ZNF236: variants seen among roughly 807,000 people sequenced by gnomAD.
The protein encoded by ZNF236 is regulated by glucose.
ZNF236 carries 50 observed loss-of-function variants against 191.2 expected under a neutral mutation model. The ratio of observed to expected loss-of-function variants is 0.26; its 90% CI spans 0.21 to 0.33. The LOEUF (loss-of-function observed/expected upper bound fraction) is 0.33. Ranked by LOEUF, ZNF236 falls within the 10% of genes least tolerant of loss-of-function variation. The probability of loss-of-function intolerance (pLI) is 1.00; values close to 1 mark genes in which losing one functional copy is unlikely to be tolerated. For missense variants in ZNF236, 1,754 were observed against 2,374.5 expected, an observed-to-expected ratio of 0.74 and a Z score of 5.43; for synonymous variants, 907 against 928.8, an observed-to-expected ratio of 0.98 and a Z score of 0.43.
At chr18:76,928,339 T>G (rs1487414504) in intron 25 of ZNF236, among the ~76,000 whole-genome samples, 1 of 152,206 alleles carries the variant, frequency 6.6e-6, no homozygotes, top group Non-Finnish European at 1.5e-5. Flanking sequence ...TACAGTCAGT[T>G]ATTTAATTAT....
rs149301277 is a variant in ZNF236, at chr18:76,829,194, C to T, written c.55+6532C>T. On this transcript the variant is annotated intron_variant, in intron 1 of 30. Transcript: ENST00000320610. ...CTGTGTGTACAGAGATAGTGCGTCTCTGCTTTCAAGAAAGTAGCAGTGTTT... is the reference window on the plus strand; with the variant it reads ...CTGTGTGTACAGAGATAGTGCGTCTTTGCTTTCAAGAAAGTAGCAGTGTTT... Among the ~76,000 whole-genome samples the T allele has an allele frequency of 7.2e-5, 11 of 152,306 alleles. No homozygotes were observed. The East Asian group carries it at 2.1e-3, about 29-fold the overall frequency.
At chr18:76,906,625 T>G (rs1245084876) in intron 13 of ZNF236, among the ~76,000 whole-genome samples, 3 of 152,220 alleles carry the variant, frequency 2.0e-5, no homozygotes, top group Non-Finnish European at 1.5e-5. Context: ...GTATTGGGAA[T>G]ATGGGTGTTC....
At chr18:76,888,023 G>C (rs1977109030) in intron 9 of ZNF236, 1 of 146,990 alleles carries the variant, frequency 6.8e-6, no homozygotes, top group African/African-American at 2.5e-5. Context: ...ACTGTTCCCA[G>C]TGTTCTAGTA....
At position 76,880,098 on chromosome 18, in the gene ZNF236, G is replaced by A; in HGVS notation, c.985-15G>A. ...GCAAAATTGTATTTTTAATGAAAAT[G>A]TTTCTGTGTTTCAGGCCACACTTTT... On this transcript the variant is annotated splice_polypyrimidine_tract_variant and intron_variant, in intron 7 of 30. Coordinates refer to ENST00000320610, the MANE Select transcript of ZNF236 (RefSeq NM_001306089.2). This position sits in a 1 kb window ranked among gnomAD's most constrained non-coding sequence, Gnocchi z 5.0. 1 of 1,551,148 alleles carries A rather than the reference G, an allele frequency of 6.4e-7. No homozygotes were observed. The highest frequency in any genetic ancestry group is 8.7e-7 in the Non-Finnish European group (1 of 1,144,720).
At position 76,904,470 on chromosome 18, in the gene ZNF236, T is replaced by G. The variant is rs1470654644; in HGVS notation, c.1985T>G (p.Phe662Cys). The G allele has an allele frequency of 1.9e-6, 3 of 1,610,770 alleles. No individual in the cohort carries two copies. Among genetic ancestry groups the G allele is most frequent in the Non-Finnish European group, 2.5e-6 (3 of 1,178,654 alleles). The part of the protein sequence containing the change: ...VNEADRPYKC[F>C]YCHRAYKKSC... ...GAAGCAGATAGACCATACAAGTGTT[T>G]TTACTGTCATCGTGCATATAAAAAA... Residue 662 changes from phenylalanine (F) to cysteine (C), a missense_variant, in exon 12 of 31, where the codon TTT (phenylalanine) becomes TGT (cysteine). Phe to Cys is a radical substitution (Grantham distance 205). Transcript: ENST00000320610.
rs754971606 is a variant in ZNF236 at position 76,908,057 on chromosome 18, G to A, written c.2298-263G>A. Among the ~76,000 whole-genome samples, 33 of 151,964 alleles carry A rather than the reference G, an allele frequency of 2.2e-4. 1 individual carries two copies. Among genetic ancestry groups the A allele is most frequent in the Admixed American group, 1.4e-3 (21 of 15,268 alleles). On this transcript the variant is annotated intron_variant, in intron 13 of 30. Transcript: ENST00000320610. ...TCTTTTTAATGTTTTTAAACTATTAGGCATTCGGGTGTGTGTTGTCCTTCA... is the reference window on the plus strand; with the variant it reads ...TCTTTTTAATGTTTTTAAACTATTAAGCATTCGGGTGTGTGTTGTCCTTCA...
chr18:76,968,127 T>C, intron 30 of ZNF236, 88 bp from the exon 31 acceptor site: 1 of 1,527,062 alleles, frequency 6.5e-7, no homozygotes, highest in Non-Finnish European at 8.9e-7. Context: ...CCTTGTCTCT[T>C]TCTACCAGAA....
intron 13 of ZNF236, among the ~76,000 whole-genome samples, chr18:76,907,207 G>A (rs1364716769): frequency 6.6e-6 from 1 of 152,218 alleles, no homozygotes; most frequent in East Asian, 1.9e-4. Context: ...ATTAGAAAAC[G>A]AAGAGGGAAA....
rs1967477484 is a variant in ZNF236 at position 76,919,632 on chromosome 18, A to G, written c.3275-144A>G. On this transcript the variant is annotated intron_variant, in intron 19 of 30. Coordinates refer to ENST00000320610, the MANE Select transcript of ZNF236 (RefSeq NM_001306089.2). This position sits in a 1 kb window ranked among gnomAD's most constrained non-coding sequence, Gnocchi z 5.3. ...AGTTTCTCAATAGAGGTGGGAAAAT[A>G]TAGCAACTCTCTACCATCATAAAAA... 2.0e-6 allele frequency: 2 copies of G among 1,014,232 alleles called. No individual in the cohort carries two copies. Among genetic ancestry groups the G allele is most frequent in the Non-Finnish European group, 2.8e-6 (2 of 708,336 alleles). The allele number at this position is 1,014,232 out of a possible 1,614,324, so 62.8% of individuals were successfully genotyped here. A position where few individuals can be genotyped will look rare whatever the true frequency, so the allele number is the denominator to read the frequency against.
At chr18:76,843,023 G>A (rs1268060851) in intron 1 of ZNF236, among the ~76,000 whole-genome samples, 2 of 152,198 alleles carry the variant, frequency 1.3e-5, no homozygotes, top group Non-Finnish European at 2.9e-5. Context: ...TACCCAGTCC[G>A]AGCATTTGGC....
At chr18:76,954,869 CT>C (rs1282055852) in intron 27 of ZNF236, among the ~76,000 whole-genome samples, 3 of 152,282 alleles carry the variant, frequency 2.0e-5, no homozygotes, top group Admixed American at 6.5e-5. Flanking sequence ...TCCTTTGTTC[CT>C]TTTTTTCCCC....
rs1976888642 is a variant in ZNF236 at position 76,881,359 on chromosome 18, T to C, written c.1264T>C (p.Ser422Pro). Reference sequence around the variant, plus strand: ...TAATGACTCCTGCCATGCCAAGACCTCTGCACCACACGCTCAAAACCCAGA... The same window carrying C: ...TAATGACTCCTGCCATGCCAAGACCCCTGCACCACACGCTCAAAACCCAGA... ...HPNDSCHAKT[S>P]APHAQNPDVS... Residue 422 changes from serine (S) to proline (P), a missense_variant, in exon 9 of 31, where the codon TCT becomes CCT. Around this residue, in one of 5 missense-constraint regions of ZNF236, gnomAD observed 126 missense variants for 110.9 expected, o/e 1.14. Coordinates refer to ENST00000320610, the MANE Select transcript of ZNF236 (RefSeq NM_001306089.2). 6.2e-7 allele frequency: 1 copy of C among 1,614,034 alleles called. No individual in the cohort carries two copies. Among genetic ancestry groups the C allele is most frequent in the Non-Finnish European group, 8.5e-7 (1 of 1,180,012 alleles).
In ZNF236 at chr18:76,852,637, C is replaced by CA. The variant is rs34349493; in HGVS notation, c.363+710dup. 8.1e-3 allele frequency among the ~76,000 whole-genome samples: 1,086 copies of CA among 133,520 alleles called. 6 individuals carry two copies. Among genetic ancestry groups the CA allele is most frequent in the Admixed American group, 0.011 (144 of 13,226 alleles). 87.6% of individuals were successfully genotyped at this position (133,520 alleles called of 152,430 possible). A position where few individuals can be genotyped will look rare whatever the true frequency, so the allele number is the denominator to read the frequency against. Reference sequence around the variant, plus strand: ...CAACATAGTGAGACCCCATCTCTACCAAAAAAAAAAAAGAAAAAGAAAACC... The same window carrying CA: ...CAACATAGTGAGACCCCATCTCTACCAAAAAAAAAAAAAGAAAAAGAAAACC... On this transcript the variant is annotated intron_variant, in intron 3 of 30. Coordinates refer to ENST00000320610, the MANE Select transcript of ZNF236 (RefSeq NM_001306089.2).
At chr18:76,839,215 C>T (rs1047082615) in intron 1 of ZNF236, among the ~76,000 whole-genome samples, 1 of 152,188 alleles carries the variant, frequency 6.6e-6, no homozygotes, top group Non-Finnish European at 1.5e-5. Flanking sequence ...GGTGCACATA[C>T]GTACACATTT....
chr18:76,848,596 T>C (rs928597807), intron 1 of ZNF236, among the ~76,000 whole-genome samples: 2 of 152,158 alleles, frequency 1.3e-5, no homozygotes, highest in Non-Finnish European at 2.9e-5. Context: ...TTTGTAAAAA[T>C]TGAGGATTGT....
chr18:76,922,003 C>T (rs953740326), intron 20 of ZNF236, among the ~76,000 whole-genome samples: 4 of 151,940 alleles, frequency 2.6e-5, no homozygotes, highest in African/African-American at 4.8e-5. Flanking sequence ...GTATTTTTTT[C>T]GGAAATGTCT....
rs1253837574 is a variant in ZNF236, at chr18:76,925,686, A to G, written c.4027+132A>G. On this transcript the variant is annotated intron_variant, in intron 22 of 30. Coordinates refer to ENST00000320610, the MANE Select transcript of ZNF236 (RefSeq NM_001306089.2). The surrounding 1 kb of genome is among the most constrained non-coding windows in gnomAD (Gnocchi z 5.7). The stretch of plus-strand genomic sequence containing the variant: ...TTTCCCTTCTTTGAGCCTTTTCCTT[A>G]TAAGGCATTCGGAAAAATTGGAATT... 4.6e-6 allele frequency: 6 copies of G among 1,301,888 alleles called. No individual in the cohort carries two copies. Among genetic ancestry groups the G allele is most frequent in the Non-Finnish European group, 6.1e-6 (6 of 979,534 alleles). 80.6% of individuals were successfully genotyped at this position (1,301,888 alleles called of 1,614,324 possible). A position where few individuals can be genotyped will look rare whatever the true frequency, so the allele number is the denominator to read the frequency against.
At position 76,822,603 on chromosome 18, in the gene ZNF236, C is replaced by T; in HGVS notation, c.-5C>T. On this transcript the variant is annotated 5_prime_UTR_variant, in exon 1 of 31. Transcript: ENST00000320610. ...TGGGTGTGGGTGCGAGCCGGGCCGC[C>T]GACGATGCCGCGGGGCCGCCCCCCG... The T allele has an allele frequency of 6.6e-6, 1 of 152,364 alleles. No homozygotes were observed. The highest frequency in any genetic ancestry group is 1.4e-5 in the Non-Finnish European group (1 of 69,418). 9.4% of individuals were successfully genotyped at this position (152,364 alleles called of 1,614,324 possible).
At chr18:76,968,130 T>C (rs1300169941) in intron 30 of ZNF236, 85 bp from the exon 31 acceptor site, 1 of 1,530,682 alleles carries the variant, frequency 6.5e-7, no homozygotes, top group African/African-American at 1.4e-5. Context: ...TGTCTCTTTC[T>C]ACCAGAAAGT....
Sources: gnomAD v4.1 joint callset for allele counts (sites outside exome capture counted in the v4.1 genomes callset) on GRCh38, gnomAD v4.1.1 for gene constraint, gnomAD v4.1.1 regional missense constraint, Gnocchi (gnomAD v3.1) non-coding constraint, MANE v1.5 for transcripts, NCBI Gene and HGNC (gene_info 2026-07-23, HGNC 2026-07-21) for gene names.